ST8SIA6: variants seen among roughly 807,000 people sequenced by gnomAD.
ST8SIA6 encodes alpha-2,8-sialyltransferase 8F.
ST8SIA6 carries 39 observed loss-of-function variants against 33.6 expected under a neutral mutation model. The ratio of observed to expected loss-of-function variants is 1.16; its 90% CI spans 0.90 to 1.52. ST8SIA6 has a LOEUF of 1.52. Ranked by LOEUF, ST8SIA6 falls within the 40% of genes most tolerant of loss-of-function variation. The probability of loss-of-function intolerance (pLI) is 0.00; values close to 1 mark genes in which losing one functional copy is unlikely to be tolerated. For missense variants in ST8SIA6, 441 were observed against 443.8 expected (o/e 0.99, Z 0.06); for synonymous variants, 172 against 167.2 (o/e 1.03, Z -0.22).
intron 4 of ST8SIA6, among the ~76,000 whole-genome samples, chr10:17,343,283 T>C (rs1314544644): frequency 1.6e-4 from 25 of 152,194 alleles, no homozygotes; most frequent in Admixed American, 1.6e-3. Flanking sequence ...ATAGAGGGAA[T>C]CTTTTCTCTA....
intron 2 of ST8SIA6, among the ~76,000 whole-genome samples, chr10:17,437,280 C>T (rs916003355): frequency 6.6e-6 from 1 of 152,182 alleles, no homozygotes; most frequent in African/African-American, 2.4e-5. Context: ...CTGCCTCAAC[C>T]TGCCAAGTAG....
chr10:17,374,764 T>TATATATATATAC (rs1441288579), intron 3 of ST8SIA6, among the ~76,000 whole-genome samples: 11 of 126,854 alleles, frequency 8.7e-5, no homozygotes, highest in African/African-American at 3.3e-4. Flanking sequence ...TATATATATA[T>TATATATATATAC]ATATTTAGCT....
intron 2 of ST8SIA6, among the ~76,000 whole-genome samples, chr10:17,412,665 A>G (rs1851489932): frequency 6.6e-6 from 1 of 152,194 alleles, no homozygotes; most frequent in African/African-American, 2.4e-5. Flanking sequence ...GTCTGTAGAA[A>G]CTTTGACTGC....
intron 4 of ST8SIA6, among the ~76,000 whole-genome samples, chr10:17,347,011 C>G (rs538640094): frequency 6.6e-6 from 1 of 152,272 alleles, no homozygotes; most frequent in South Asian, 2.1e-4. Flanking sequence ...AGCAGAAATA[C>G]CTCTTCTCTG....
intron 2 of ST8SIA6, among the ~76,000 whole-genome samples, chr10:17,400,049 T>A (rs1850979594): frequency 6.6e-6 from 1 of 151,938 alleles, no homozygotes; most frequent in South Asian, 2.1e-4. Flanking sequence ...CCTTTGCAGA[T>A]CAGGAATATT....
intron 2 of ST8SIA6, among the ~76,000 whole-genome samples, chr10:17,404,498 C>G (rs2131683891): frequency 6.6e-6 from 1 of 152,300 alleles, no homozygotes; most frequent in Middle Eastern, 3.4e-3. Context: ...TCCTTGGACA[C>G]AGCCTCAAGA....
chr10:17,399,592 C>T (rs865941196), intron 2 of ST8SIA6, among the ~76,000 whole-genome samples: 3 of 152,022 alleles, frequency 2.0e-5, no homozygotes, highest in Admixed American at 6.6e-5. Flanking sequence ...TGTATTTTGC[C>T]CTCCTACCAT....
At chr10:17,347,226 A>G (rs1440446062) in intron 4 of ST8SIA6, among the ~76,000 whole-genome samples, 1 of 152,242 alleles carries the variant, frequency 6.6e-6, no homozygotes, top group African/African-American at 2.4e-5. Context: ...ACAATTAGCC[A>G]TCCCAGTAAC....
At chr10:17,344,165 T>G (rs2131600344) in intron 4 of ST8SIA6, among the ~76,000 whole-genome samples, 1 of 152,200 alleles carries the variant, frequency 6.6e-6, no homozygotes, top group East Asian at 1.9e-4. Context: ...TATGCACAAA[T>G]AAACCATGGC....
At chr10:17,412,286 C>T (rs1353750790) in intron 2 of ST8SIA6, among the ~76,000 whole-genome samples, 1 of 152,142 alleles carries the variant, frequency 6.6e-6, no homozygotes, top group Non-Finnish European at 1.5e-5. Context: ...AACTCTAGAG[C>T]CACATCCTAT....
At chr10:17,325,827 T>G (rs1848113617) in intron 6 of ST8SIA6, among the ~76,000 whole-genome samples, 1 of 152,328 alleles carries the variant, frequency 6.6e-6, no homozygotes, top group South Asian at 2.1e-4. Flanking sequence ...ATTTTAGAAT[T>G]ATAAGTGAAA....
intron 4 of ST8SIA6, among the ~76,000 whole-genome samples, chr10:17,333,717 ATTTTTTT>A (rs71392102): frequency 1.2e-3 from 41 of 33,752 alleles, no homozygotes; most frequent in Non-Finnish European, 1.6e-3. Flanking sequence ...ATATATATAT[ATTTTTTT>A]TTTTTTTTTT....
chr10:17,348,686 T>C (rs1228075135), intron 4 of ST8SIA6, among the ~76,000 whole-genome samples: 1 of 152,196 alleles, frequency 6.6e-6, no homozygotes, highest in Non-Finnish European at 1.5e-5. Flanking sequence ...CGGTTCGCTG[T>C]GGAATTCATC....
At chr10:17,381,653 C>A (rs1850155955) in intron 3 of ST8SIA6, among the ~76,000 whole-genome samples, 1 of 152,192 alleles carries the variant, frequency 6.6e-6, no homozygotes, top group Non-Finnish European at 1.5e-5. Context: ...ATTAATCAAG[C>A]AGTTTCATAC....
At chr10:17,364,463 C>A (rs1849495646) in intron 3 of ST8SIA6, among the ~76,000 whole-genome samples, 1 of 152,156 alleles carries the variant, frequency 6.6e-6, no homozygotes, top group Non-Finnish European at 1.5e-5. Flanking sequence ...AAGGTACTTA[C>A]TCCCTGAGAT....
At chr10:17,359,655 C>T in intron 3 of ST8SIA6, 55 bp from the exon 4 acceptor site, 1 of 1,139,566 alleles carries the variant, frequency 8.8e-7, no homozygotes, top group Non-Finnish European at 1.3e-6. Context: ...TGTAAGTCTT[C>T]TTAGAAGATA....
chr10:17,436,627 G>T (rs983037942), intron 2 of ST8SIA6, among the ~76,000 whole-genome samples: 2 of 149,764 alleles, frequency 1.3e-5, no homozygotes, highest in Admixed American at 1.3e-4. Context: ...GCAGTGTTTG[G>T]TTTTTTGTCC....
intron 2 of ST8SIA6, among the ~76,000 whole-genome samples, chr10:17,437,952 A>G (rs1000106161): frequency 4.0e-5 from 6 of 151,654 alleles, no homozygotes; most frequent in Admixed American, 3.9e-4. Context: ...GCCGATCTCG[A>G]ACTCCTGACT....
rs112127099 is a variant in ST8SIA6, at chr10:17,320,547, G to C, written c.*331C>G. 5.0e-3 allele frequency: 1,266 copies of C among 254,220 alleles called. 6 individuals carry two copies. The highest frequency in any genetic ancestry group is 0.013 in the South Asian group (200 of 15,560). 15.7% of individuals were successfully genotyped at this position (254,220 alleles called of 1,614,324 possible). On this transcript the variant is annotated 3_prime_UTR_variant, in exon 8 of 8. Transcript: ENST00000377602. ...TCCAAGAAAGCATGCTTTTATTATC[G>C]GTCTGGTGAAGGTGGAGATGGCTGG... is the stretch of plus-strand genomic sequence containing the variant.
Sources: gnomAD v4.1 joint callset for allele counts (sites outside exome capture counted in the v4.1 genomes callset) on GRCh38, gnomAD v4.1.1 for gene constraint, MANE v1.5 for transcripts, NCBI Gene and HGNC (gene_info 2026-07-23, HGNC 2026-07-21) for gene names.